ZRSR2: variants seen among roughly 807,000 people sequenced by gnomAD.
ZRSR2 encodes U2 small nuclear ribonucleoprotein auxiliary factor 35 kDa subunit-related protein 2.
Under a neutral mutation model 39.4 loss-of-function variants are expected in ZRSR2, and 3 were observed. That is an observed-to-expected ratio of 0.08 (90% CI 0.03 to 0.20). ZRSR2 has a LOEUF of 0.20. Among genes scored for constraint, ZRSR2 ranks in the 10% least tolerant of loss-of-function variants. ZRSR2 has a pLI of 1.00. For missense variants in ZRSR2, 256 were observed against 391.5 expected (o/e 0.65, Z 2.92); for synonymous variants, 137 against 136.0 (o/e 1.01, Z -0.05).
At chrX:15,805,925 G>A (rs1250910418) in intron 5 of ZRSR2, among the ~76,000 whole-genome samples, 1 of 46,049 alleles carries the variant, frequency 2.2e-5, no homozygotes, top group African/African-American at 9.3e-5. Flanking sequence ...ACTAGACTTC[G>A]TCTCAAAAAA....
At chrX:15,800,218 C>T (rs1474380965) in intron 3 of ZRSR2, among the ~76,000 whole-genome samples, 3 of 90,323 alleles carry the variant, frequency 3.3e-5, no homozygotes, top group African/African-American at 1.3e-4. Context: ...GACGGAGTCT[C>T]GCTCTGTTGC....
chrX:15,818,924 C>T (rs1933036820), intron 9 of ZRSR2, among the ~76,000 whole-genome samples: 1 of 107,576 alleles, frequency 9.3e-6, no homozygotes, highest in Non-Finnish European at 1.9e-5. Flanking sequence ...GTGCCTGCCA[C>T]CATGCCCAGC....
intron 2 of ZRSR2, among the ~76,000 whole-genome samples, chrX:15,797,787 A>T (rs1246951165): frequency 9.0e-6 from 1 of 111,630 alleles, no homozygotes; most frequent in Non-Finnish European, 1.9e-5. Context: ...TATGTATTGC[A>T]TATGTCCGAT....
At chrX:15,817,619 G>C (rs1428501018) in intron 8 of ZRSR2, among the ~76,000 whole-genome samples, 1 of 111,682 alleles carries the variant, frequency 9.0e-6, no homozygotes, top group East Asian at 2.8e-4. Flanking sequence ...ACCAAGAGTA[G>C]ATGAGGATGT....
intron 5 of ZRSR2, among the ~76,000 whole-genome samples, chrX:15,807,094 C>G (rs1018245620): frequency 9.0e-6 from 1 of 111,605 alleles, no homozygotes; most frequent in Non-Finnish European, 1.9e-5. Flanking sequence ...ATAAGACTGT[C>G]TGTTAAACAT....
At chrX:15,818,673 A>T in intron 9 of ZRSR2, 31 bp downstream of exon 9, 1 of 1,126,100 alleles carries the variant, frequency 8.9e-7, no homozygotes, top group Non-Finnish European at 1.2e-6. Context: ...TGTCTTCCTG[A>T]TTTGTCACAG....
chrX:15,798,165 C>T (rs1932543724), intron 2 of ZRSR2, among the ~76,000 whole-genome samples: 1 of 112,255 alleles, frequency 8.9e-6, no homozygotes, highest in South Asian at 3.6e-4. Context: ...ACTGGATGAG[C>T]CTTCAGTTAG....
intron 2 of ZRSR2, among the ~76,000 whole-genome samples, chrX:15,799,222 G>A (rs1165753317): frequency 9.3e-6 from 1 of 108,071 alleles, no homozygotes; most frequent in Non-Finnish European, 1.9e-5. Context: ...TCGCTCCATT[G>A]GAAAGCATTG....
intron 2 of ZRSR2, among the ~76,000 whole-genome samples, chrX:15,796,784 G>GTTTTT (rs141175603): frequency 5.0e-5 from 2 of 39,913 alleles, no homozygotes; most frequent in African/African-American, 1.2e-4. Flanking sequence ...GTTTCAAATC[G>GTTTTT]TTTTTTTTTT....
chrX:15,810,930 G>T (rs957666854), intron 7 of ZRSR2, among the ~76,000 whole-genome samples: 4 of 106,747 alleles, frequency 3.7e-5, no homozygotes, highest in African/African-American at 1.4e-4. Context: ...TAAATAATAA[G>T]AATACCAGGG....
At chrX:15,798,863 A>G (rs973684212) in intron 2 of ZRSR2, among the ~76,000 whole-genome samples, 1 of 110,998 alleles carries the variant, frequency 9.0e-6, no homozygotes, top group African/African-American at 3.3e-5. Flanking sequence ...AGGTTGTTGC[A>G]CTCCCGGTGA....
chrX:15,814,197 G>A (rs1932927775), intron 7 of ZRSR2, among the ~76,000 whole-genome samples: 1 of 111,674 alleles, frequency 9.0e-6, no homozygotes. Flanking sequence ...TTAGGAGAAG[G>A]AAGGAAGTAA....
intron 2 of ZRSR2, among the ~76,000 whole-genome samples, chrX:15,796,035 GT>G (rs1204516849): frequency 2.0e-4 from 21 of 104,043 alleles, no homozygotes; most frequent in Non-Finnish European, 2.0e-4. Context: ...TTTGTTTTTT[GT>G]TTTTTTTTTT....
intron 7 of ZRSR2, among the ~76,000 whole-genome samples, chrX:15,810,974 G>T (rs987779009): frequency 1.8e-5 from 2 of 109,115 alleles, no homozygotes; most frequent in African/African-American, 6.6e-5. Flanking sequence ...ATGTCCTCAG[G>T]TGTCTCTAGT....
Position 15,799,928 on chromosome X carries a change from G to A in ZRSR2, c.178G>A (p.Glu60Lys). The change falls in exon 3 of 11, where the codon GAA (glutamate) becomes AAA (lysine). Residue 60 changes from glutamate (E) to lysine (K), a missense_variant. By Grantham distance (56) the Glu-to-Lys change is moderately conservative. Around this residue, in one of 3 missense-constraint regions of ZRSR2, gnomAD observed 87 missense variants for 111.7 expected, o/e 0.78. Coordinates refer to ENST00000307771, the MANE Select transcript of ZRSR2 (RefSeq NM_005089.4). ...DTFIEEQQLE[E>K]EKLLERERQR... is the part of the protein sequence containing the mutation. ...TTTTATTGAAGAACAACAACTAGAA[G>A]AAGAGAAGCTATTGGAAAGAGAGAG... 1 of 1,202,165 alleles carries A rather than the reference G, an allele frequency of 8.3e-7. No homozygotes were observed. Among genetic ancestry groups the A allele is most frequent in the Non-Finnish European group, 1.1e-6 (1 of 888,491 alleles).
rs1317596751 is a variant in ZRSR2, at chrX:15,808,274, AT to A, written c.438+8del. The A allele has an allele frequency of 2.5e-6, 3 of 1,198,414 alleles. No homozygotes were observed. Among genetic ancestry groups the A allele is most frequent in the Non-Finnish European group, 3.4e-6 (3 of 886,243 alleles). ...TGCTGGATCAGGCTGAAAATGAGGT[AT>A]TTTTAAAACCTTACATTGATAATTT... On this transcript the variant is annotated splice_donor_region_variant and intron_variant, in intron 6 of 10. Transcript: ENST00000307771.
intron 1 of ZRSR2, 195 bp from the exon 2 acceptor site, chrX:15,790,739 C>A: frequency 1.6e-6 from 1 of 634,404 alleles, no homozygotes; most frequent in Admixed American, 3.7e-5. Context: ...ATCAGGTTGG[C>A]GGATGGAGAA....
intron 2 of ZRSR2, among the ~76,000 whole-genome samples, chrX:15,797,456 C>T (rs758622744): frequency 2.7e-5 from 3 of 111,148 alleles, no homozygotes; most frequent in East Asian, 2.8e-4. Flanking sequence ...GTGATCCGCC[C>T]GCCTTGGCCT....
chrX:15,808,388 C>G, intron 6 of ZRSR2, 117 bp downstream of exon 6: 2 of 643,838 alleles, frequency 3.1e-6, no homozygotes, highest in Non-Finnish European at 4.9e-6. Context: ...GATATCTGGA[C>G]TCATGTTTAT....
Sources: gnomAD v4.1 joint callset for allele counts (sites outside exome capture counted in the v4.1 genomes callset) on GRCh38, gnomAD v4.1.1 for gene constraint, gnomAD v4.1.1 regional missense constraint, MANE v1.5 for transcripts, NCBI Gene and HGNC (gene_info 2026-07-23, HGNC 2026-07-21) for gene names.